Variants in CD84 observed in about 807,000 individuals in gnomAD.
CD84 encodes CD84 molecule.
A neutral mutation model predicts 33.8 loss-of-function variants in CD84; 22 were observed. The ratio of observed to expected loss-of-function variants is 0.65; its 90% CI spans 0.46 to 0.93. CD84 has a LOEUF of 0.93. CD84 is among the 40% of genes least tolerant of loss of function. The probability of loss-of-function intolerance (pLI) is 0.00; values close to 1 mark genes in which losing one functional copy is unlikely to be tolerated. For synonymous variants in CD84, 154 were observed against 145.2 expected (o/e 1.06, Z -0.44); for missense variants, 400 against 397.6 (o/e 1.01, Z -0.05).
At position 160,551,015 on chromosome 1, in the gene CD84, T is replaced by C. The variant is rs1656181079; in HGVS notation, c.781A>G (p.Ile261Val). ...RRQDAASKKTIYTYIMASRNT... is the reference protein window; with the variant it reads ...RRQDAASKKTVYTYIMASRNT... ...CTTGAAGCCATGATATATGTGTATA[T>C]GGTTTTCTTTGAGGCAGCATCTGTC... The change falls in exon 5 of 7, where the codon ATA becomes GTA. Residue 261 changes from isoleucine to valine, a missense_variant. Coordinates refer to ENST00000368054, the MANE Select transcript of CD84 (RefSeq NM_003874.4). 6.2e-7 allele frequency: 1 copy of C among 1,613,874 alleles called. No individual in the cohort carries two copies. The highest frequency in any genetic ancestry group is 8.5e-7 in the Non-Finnish European group (1 of 1,179,748).
rs952275970 is a variant in CD84, at chr1:160,579,247, T to C, written c.46+145A>G. 13 of 1,018,362 alleles carry C rather than the reference T, an allele frequency of 1.3e-5. No individual in the cohort carries two copies. The African/African-American group carries it at 1.5e-4, about 11-fold the overall frequency. The allele number at this position is 1,018,362 out of a possible 1,614,324, so 63.1% of individuals were successfully genotyped here. A position where few individuals can be genotyped will look rare whatever the true frequency, so the allele number is the denominator to read the frequency against. ...GAATTTTAAGTCTCTCCCCAGCCAG[T>C]TGGATCCTGTTGAGTACAGTAGATA... On this transcript the variant is annotated intron_variant, in intron 1 of 6. Transcript: ENST00000368054.
intron 1 of CD84, among the ~76,000 whole-genome samples, chr1:160,573,660 C>T (rs1657823920): frequency 6.6e-6 from 1 of 152,154 alleles, no homozygotes; most frequent in Non-Finnish European, 1.5e-5. Flanking sequence ...ACAGCAATCC[C>T]CACCCCATCC....
chr1:160,553,610 G>A (rs868634439), intron 3 of CD84, 113 bp from the exon 4 acceptor site: 2 of 1,275,432 alleles, frequency 1.6e-6, no homozygotes, highest in African/African-American at 1.5e-5. Context: ...CCGAAGGAGT[G>A]CCAAAGCTCC....
intron 2 of CD84, among the ~76,000 whole-genome samples, chr1:160,554,699 A>G (rs1272033397): frequency 6.6e-6 from 1 of 152,214 alleles, no homozygotes; most frequent in Non-Finnish European, 1.5e-5. Context: ...AAGCTCCAAT[A>G]TATATGTCTT....
chr1:160,557,303 C>T (rs1432242802), intron 2 of CD84, among the ~76,000 whole-genome samples: 1 of 152,338 alleles, frequency 6.6e-6, no homozygotes, highest in East Asian at 1.9e-4. Context: ...ATTAATCGAA[C>T]ATTCACAATT....
At chr1:160,578,107 G>C (rs1658080497) in intron 1 of CD84, among the ~76,000 whole-genome samples, 1 of 152,146 alleles carries the variant, frequency 6.6e-6, no homozygotes, top group Non-Finnish European at 1.5e-5. Flanking sequence ...AATTTAGGTA[G>C]TGAAATTTCA....
Position 160,549,974 on chromosome 1 carries a change from A to T in CD84, c.864T>A (p.Leu288=). Residue 288 remains leucine, a synonymous_variant, in exon 6 of 7, where the codon CTT becomes CTA. Transcript: ENST00000368054. ...IYDEILQSKV[L]PSKEEPVNTV... ...TGTTCACTGGCTCTTCCTTGGAGGGAAGCACCTGTAAAACACACATCTTCC... is the reference window on the plus strand; with the variant it reads ...TGTTCACTGGCTCTTCCTTGGAGGGTAGCACCTGTAAAACACACATCTTCC... The T allele has an allele frequency of 1.2e-6, 2 of 1,609,864 alleles. No homozygotes were observed. Among genetic ancestry groups the T allele is most frequent in the Non-Finnish European group, 8.5e-7 (1 of 1,176,326 alleles).
At chr1:160,578,552 T>C (rs1309091419) in intron 1 of CD84, among the ~76,000 whole-genome samples, 1 of 152,182 alleles carries the variant, frequency 6.6e-6, no homozygotes, top group Non-Finnish European at 1.5e-5. Context: ...ATTCTGCTAG[T>C]GCATTTTCAG....
rs1024468786 is a variant in CD84, at chr1:160,548,205, A to C, written c.*51T>G. The C allele has an allele frequency of 5.1e-6, 8 of 1,582,582 alleles. No individual in the cohort carries two copies. Among genetic ancestry groups the C allele is most frequent in the Non-Finnish European group, 6.1e-6 (7 of 1,151,556 alleles). Reference sequence around the variant, plus strand: ...AAGATCTGGATCCAGGGAACCTGCCAGTATTGGTGGTTGTAACTCAGTTTC... The same window carrying C: ...AAGATCTGGATCCAGGGAACCTGCCCGTATTGGTGGTTGTAACTCAGTTTC... On this transcript the variant is annotated 3_prime_UTR_variant, in exon 7 of 7. Coordinates refer to ENST00000368054, the MANE Select transcript of CD84 (RefSeq NM_003874.4).
intron 1 of CD84, among the ~76,000 whole-genome samples, chr1:160,577,220 C>T (rs1267061363): frequency 6.6e-6 from 1 of 152,146 alleles, no homozygotes; most frequent in Non-Finnish European, 1.5e-5. Context: ...GGGGATTTCT[C>T]CCTGCATCTC....
At chr1:160,574,603 C>A (rs1041316263) in intron 1 of CD84, among the ~76,000 whole-genome samples, 1 of 152,046 alleles carries the variant, frequency 6.6e-6, no homozygotes, top group Non-Finnish European at 1.5e-5. Flanking sequence ...GTCTAGTGGT[C>A]CTAAGGAGAG....
intron 4 of CD84, among the ~76,000 whole-genome samples, chr1:160,551,707 C>A (rs1418453577): frequency 1.3e-5 from 2 of 152,102 alleles, no homozygotes; most frequent in Non-Finnish European, 2.9e-5. Context: ...CCACACCCAG[C>A]AAATTTTTTG....
Position 160,554,152 on chromosome 1 carries a change from G to T in CD84, c.389-6C>A. The T allele has an allele frequency of 6.2e-7, 1 of 1,606,434 alleles. No homozygotes were observed. Among genetic ancestry groups the T allele is most frequent in the Non-Finnish European group, 8.5e-7 (1 of 1,175,762 alleles). On this transcript the variant is annotated splice_polypyrimidine_tract_variant and splice_region_variant and intron_variant, in intron 2 of 6. Coordinates refer to ENST00000368054, the MANE Select transcript of CD84 (RefSeq NM_003874.4). ...TTTTGGTTTCCCAAGCCGACCTGTG[G>T]GGGCAAACACATGAGCCAATAGTGA...
rs1178032646 is a variant in CD84, at chr1:160,549,929, C to G, written c.909G>C (p.Gln303His). Residue 303 changes from glutamine (Q) to histidine (H), a missense_variant, in exon 6 of 7, where the codon CAG (glutamine) becomes CAC (histidine). Gln to His is a conservative substitution (Grantham distance 24). Transcript: ENST00000368054. ...AGAAAGGGGTTACCTTATCAGCAAA[C>G]TGCACTTCGGAATAAACTGTGTTCA... Reference protein sequence around the residue: ...EPVNTVYSEVQFADKMGKAST... With the variant: ...EPVNTVYSEVHFADKMGKAST... 1 of 1,612,214 alleles carries G rather than the reference C, an allele frequency of 6.2e-7. No individual in the cohort carries two copies. Among genetic ancestry groups the G allele is most frequent in the Non-Finnish European group, 8.5e-7 (1 of 1,178,322 alleles).
chr1:160,575,989 C>CCCATATGTATATTACCATATGTATATTA (rs945577815), intron 1 of CD84, among the ~76,000 whole-genome samples: 4 of 152,156 alleles, frequency 2.6e-5, no homozygotes, highest in Non-Finnish European at 5.9e-5. Context: ...AGCAGTTTTA[C>CCCATATGTATATTACCATATGTATATTA]CCATATGTAA....
intron 2 of CD84, among the ~76,000 whole-genome samples, chr1:160,561,236 C>T (rs927628049): frequency 6.6e-6 from 1 of 152,148 alleles, no homozygotes; most frequent in African/African-American, 2.4e-5. Context: ...AGGCCAATAT[C>T]CTTAATGAAC....
At chr1:160,550,838 G>A (rs1023065407) in intron 5 of CD84, 100 bp downstream of exon 5, 2 of 1,577,994 alleles carry the variant, frequency 1.3e-6, no homozygotes, top group Non-Finnish European at 8.6e-7. Flanking sequence ...TCTTGGCCGT[G>A]GCTGCTTTCT....
chr1:160,567,289 G>A lies in CD84; in HGVS notation c.47-1544C>T, dbSNP rs1055386776. On this transcript the variant is annotated intron_variant, in intron 1 of 6. Transcript: ENST00000368054. ...AAAAAAGCGATTTCTTAACCTGATG[G>A]TGTTGTCTCACTATGGCTACCCTTG... Among the ~76,000 whole-genome samples the A allele has an allele frequency of 1.8e-4, 27 of 152,254 alleles. 1 individual carries two copies. Among genetic ancestry groups the A allele is most frequent in the African/African-American group, 6.0e-4 (25 of 41,544 alleles).
chr1:160,562,335 G>A (rs1657029493), intron 2 of CD84, among the ~76,000 whole-genome samples: 1 of 152,040 alleles, frequency 6.6e-6, no homozygotes, highest in Non-Finnish European at 1.5e-5. Context: ...ATACTACAAG[G>A]CCAAGGTAAC....
Sources: allele counts gnomAD v4.1 joint callset (sites outside exome capture counted in the v4.1 genomes callset), GRCh38; gene constraint gnomAD v4.1.1; transcripts MANE v1.5; gene names NCBI Gene and HGNC (gene_info 2026-07-23, HGNC 2026-07-21).